The following ZFP1 variants were observed in gnomAD, a reference collection of about 807,000 sequenced individuals.
ZFP1 encodes zinc finger protein 1 homolog.
ZFP1 carries 32 observed loss-of-function variants against 38.5 expected under a neutral mutation model. That is an observed-to-expected ratio of 0.83 (90% CI 0.63 to 1.12). The LOEUF (loss-of-function observed/expected upper bound fraction) is 1.12. Among genes scored for constraint, ZFP1 ranks in the 50% most tolerant of loss-of-function variants. The pLI is 0.00. For missense variants in ZFP1, 616 were observed against 480.8 expected (o/e 1.28, Z -2.63); for synonymous variants, 245 against 168.8 (o/e 1.45, Z -3.50).
the ZFP1 span, among the ~76,000 whole-genome samples, chr16:75,138,760 A>G: frequency 1.9e-4 from 29 of 152,334 alleles, 1 homozygote; most frequent in African/African-American, 6.3e-4. Flanking sequence ...GGCAGGAAGA[A>G]GCATGGCAGG....
the ZFP1 span, among the ~76,000 whole-genome samples, chr16:75,131,029 C>T: frequency 6.6e-6 from 1 of 152,172 alleles, no homozygotes; most frequent in East Asian, 1.9e-4. Context: ...TTCCTCCCAA[C>T]CTCCTCATTG....
At chr16:75,153,102 C>G in intron 2 of ZFP1, 136 bp downstream of exon 2, 1 of 1,179,178 alleles carries the variant, frequency 8.5e-7, no homozygotes, top group Non-Finnish European at 1.2e-6. Flanking sequence ...ATACCAGCAG[C>G]CAAAAAGCAA....
the ZFP1 span, among the ~76,000 whole-genome samples, chr16:75,136,994 C>A: frequency 1.6e-4 from 24 of 152,076 alleles, no homozygotes; most frequent in Non-Finnish European, 2.9e-4. Flanking sequence ...AATAATAATA[C>A]CCTAAGAAGC....
chr16:75,138,353 C>T, the ZFP1 span, among the ~76,000 whole-genome samples: 1 of 152,030 alleles, frequency 6.6e-6, no homozygotes, highest in Non-Finnish European at 1.5e-5. Flanking sequence ...ACTTGTTAAA[C>T]GTGGACTGTG....
In ZFP1 at chr16:75,161,775, T is replaced by TATATATATATATATA. The variant is rs59261786; in HGVS notation, c.16-4995_16-4994insATATATATATATATA. Among the ~76,000 whole-genome samples the TATATATATATATATA allele has an allele frequency of 4.5e-3, 28 of 6,244 alleles. 1 individual carries two copies. Among genetic ancestry groups the TATATATATATATATA allele is most frequent in the East Asian group, 9.4e-3 (2 of 212 alleles). The allele number at this position is 6,244 out of a possible 152,430, so 4.1% of individuals were successfully genotyped here. On this transcript the variant is annotated intron_variant, in intron 2 of 3. Coordinates refer to ENST00000570010, the MANE Select transcript of ZFP1 (RefSeq NM_153688.4). Reference sequence around the variant, plus strand: ...TTTATGAAATATATATATATATATATTTTTTTTTTTTTTTTTTTTTTTTTT... The same window carrying TATATATATATATATA: ...TTTATGAAATATATATATATATATATATATATATATATATATTTTTTTTTTTTTTTTTTTTTTTTT...
chr16:75,153,972 T>G (rs1225760779), intron 2 of ZFP1, among the ~76,000 whole-genome samples: 1 of 152,174 alleles, frequency 6.6e-6, no homozygotes, highest in Non-Finnish European at 1.5e-5. Context: ...TTTAGATTGG[T>G]TTCCTTCACT....
At position 75,170,512 on chromosome 16, in the gene ZFP1, C is replaced by A; in HGVS notation, c.*178C>A. 3 of 904,270 alleles carry A rather than the reference C, an allele frequency of 3.3e-6. No individual in the cohort carries two copies. The highest frequency in any genetic ancestry group is 4.6e-6 in the Non-Finnish European group (3 of 653,872). 56.0% of individuals were successfully genotyped at this position (904,270 alleles called of 1,614,324 possible). ...TTATACTGGAAGTTACATGTGATACCCAGCTAAAGAATACATATCAGAATA... is the reference window on the plus strand; with the variant it reads ...TTATACTGGAAGTTACATGTGATACACAGCTAAAGAATACATATCAGAATA... On this transcript the variant is annotated 3_prime_UTR_variant, in exon 4 of 4. Transcript: ENST00000570010.
At chr16:75,141,718 C>G in the ZFP1 span, among the ~76,000 whole-genome samples, 1 of 148,798 alleles carries the variant, frequency 6.7e-6, no homozygotes, top group African/African-American at 2.5e-5. Flanking sequence ...GAGACCCTGT[C>G]TCTGCAAAAT....
At chr16:75,169,071 A>G (rs2038266298) in intron 3 of ZFP1, among the ~76,000 whole-genome samples, 182 bp from the exon 4 acceptor site, 1 of 152,112 alleles carries the variant, frequency 6.6e-6, no homozygotes, top group Non-Finnish European at 1.5e-5. Flanking sequence ...ACCACAAGCT[A>G]TTACCTTTCT....
the ZFP1 span, among the ~76,000 whole-genome samples, chr16:75,130,201 A>T: frequency 6.6e-6 from 1 of 152,062 alleles, no homozygotes; most frequent in African/African-American, 2.4e-5. Flanking sequence ...GGGTTTCACC[A>T]TGTTGGCCCG....
chr16:75,156,751 C>T (rs1488049623), intron 2 of ZFP1, among the ~76,000 whole-genome samples: 1 of 152,208 alleles, frequency 6.6e-6, no homozygotes, highest in Non-Finnish European at 1.5e-5. Flanking sequence ...GAATAGCCAC[C>T]ACTCAGGAGT....
chr16:75,124,006 A>G, the ZFP1 span, among the ~76,000 whole-genome samples: 1 of 151,646 alleles, frequency 6.6e-6, no homozygotes, highest in Admixed American at 6.6e-5. Context: ...AGGGAGGAGA[A>G]TCACTTGAAC....
At chr16:75,136,528 A>G in the ZFP1 span, among the ~76,000 whole-genome samples, 23,870 of 152,160 alleles carry the variant, frequency 0.16, 2,444 homozygotes, top group Non-Finnish European at 0.23. Context: ...ATCAGTAACA[A>G]CTCATGTTTA....
chr16:75,159,069 G>T (rs2037613987), intron 2 of ZFP1, among the ~76,000 whole-genome samples: 1 of 151,762 alleles, frequency 6.6e-6, no homozygotes, highest in Non-Finnish European at 1.5e-5. Flanking sequence ...GCTAATTTTT[G>T]TATTTTTTGT....
At chr16:75,162,917 C>CT (rs34465635) in intron 2 of ZFP1, among the ~76,000 whole-genome samples, 106,362 of 147,608 alleles carry the variant, frequency 0.72, 41,148 homozygotes, top group Non-Finnish European at 0.87. Flanking sequence ...TGTAATTTTT[C>CT]TTTTTTTTTT....
At chr16:75,149,742 T>TA (rs2037091572) in intron 1 of ZFP1, among the ~76,000 whole-genome samples, 1 of 151,998 alleles carries the variant, frequency 6.6e-6, no homozygotes, top group Non-Finnish European at 1.5e-5. Flanking sequence ...TTTATTGATG[T>TA]AACTGTTCCT....
At chr16:75,149,993 C>A (rs1415092630) in intron 1 of ZFP1, among the ~76,000 whole-genome samples, 1 of 151,134 alleles carries the variant, frequency 6.6e-6, no homozygotes, top group East Asian at 2.0e-4. Flanking sequence ...CCATGTTGGC[C>A]CGGCTGCTCT....
intron 1 of ZFP1, 122 bp downstream of exon 1, chr16:75,148,765 C>G (rs930621553): frequency 6.6e-6 from 1 of 152,256 alleles, no homozygotes. Flanking sequence ...GCGGCAGTGA[C>G]CCTCAGGGCG....
Position 75,171,561 on chromosome 16 carries a change from T to C in ZFP1, c.*1227T>C, listed in dbSNP as rs1028613090. 1.2e-4 allele frequency: 18 copies of C among 152,242 alleles called. No homozygotes were observed. Among genetic ancestry groups the C allele is most frequent in the African/African-American group, 4.3e-4 (18 of 41,468 alleles). 9.4% of individuals were successfully genotyped at this position (152,242 alleles called of 1,614,324 possible). ...CAGATTTTTCAGTGGTCTCTCCAGATATTAACAAGAATTGTTGTGTAACTC... is the reference window on the plus strand; with the variant it reads ...CAGATTTTTCAGTGGTCTCTCCAGACATTAACAAGAATTGTTGTGTAACTC... On this transcript the variant is annotated 3_prime_UTR_variant, in exon 4 of 4. Coordinates refer to ENST00000570010, the MANE Select transcript of ZFP1 (RefSeq NM_153688.4).
Sources: gnomAD v4.1 joint callset for allele counts (sites outside exome capture counted in the v4.1 genomes callset) on GRCh38, gnomAD v4.1.1 for gene constraint, MANE v1.5 for transcripts, NCBI Gene and HGNC (gene_info 2026-07-23, HGNC 2026-07-21) for gene names.